The following NT5DC1 variants were observed in gnomAD, a reference collection of about 807,000 sequenced individuals.
The protein encoded by NT5DC1 is 5'-nucleotidase domain-containing protein 1.
Under a neutral mutation model 59.4 loss-of-function variants are expected in NT5DC1, and 42 were observed. The ratio of observed to expected loss-of-function variants is 0.71; its 90% CI spans 0.55 to 0.92. The LOEUF (loss-of-function observed/expected upper bound fraction) is 0.92, where lower values mean the gene tolerates loss of function less well. Among genes scored for constraint, NT5DC1 ranks in the 40% least tolerant of loss-of-function variants. The pLI, the probability that NT5DC1 is intolerant of heterozygous loss-of-function variation, is 0.00. For missense variants in NT5DC1, 501 were observed against 537.1 expected (o/e 0.93, Z 0.66); for synonymous variants, 172 against 188.1 (o/e 0.91, Z 0.70).
At chr6:116,220,036 T>C (rs1024998659) in intron 6 of NT5DC1, among the ~76,000 whole-genome samples, 5 of 151,208 alleles carry the variant, frequency 3.3e-5, no homozygotes, top group Non-Finnish European at 5.9e-5. Context: ...TGCCAAGTAT[T>C]TCAAGTGTTT....
intron 4 of NT5DC1, among the ~76,000 whole-genome samples, chr6:116,114,528 T>G (rs916146071): frequency 3.7e-5 from 2 of 53,730 alleles, no homozygotes; most frequent in Non-Finnish European, 3.4e-5. Flanking sequence ...AGCTTGCAAA[T>G]TGGGGGGAGG....
In NT5DC1 at chr6:116,111,302, C is replaced by T. The variant is rs577372727; in HGVS notation, c.364+346C>T. Among the ~76,000 whole-genome samples, 7 of 152,294 alleles carry T rather than the reference C, an allele frequency of 4.6e-5. No homozygotes were observed. The South Asian group carries it at 1.4e-3, about 32-fold the overall frequency. ...TACTTTTCTTTCTCCATCTCTGATT[C>T]CTCCAGGCATTCACATTACCTACCA... On this transcript the variant is annotated intron_variant, in intron 4 of 11. Coordinates refer to ENST00000319550, the MANE Select transcript of NT5DC1 (RefSeq NM_152729.3).
At chr6:116,147,109 C>A (rs563857079) in intron 6 of NT5DC1, among the ~76,000 whole-genome samples, 236 of 151,194 alleles carry the variant, frequency 1.6e-3, no homozygotes, top group Non-Finnish European at 2.6e-3. Context: ...TAAAAAAAAA[C>A]TGCATATAAA....
intron 11 of NT5DC1, among the ~76,000 whole-genome samples, chr6:116,241,171 T>A (rs1166386498): frequency 6.6e-6 from 1 of 151,794 alleles, no homozygotes; most frequent in Non-Finnish European, 1.5e-5. Context: ...TAAAATATTT[T>A]TAGACAGGGA....
chr6:116,158,681 T>C (rs2114420032), intron 6 of NT5DC1: 1 of 152,362 alleles, frequency 6.6e-6, no homozygotes, highest in African/African-American at 2.4e-5. Context: ...TACTTTGTCA[T>C]CCTGGTGTGT....
chr6:116,135,834 GAT>G (rs199827970), intron 6 of NT5DC1, among the ~76,000 whole-genome samples: 5,315 of 102,068 alleles, frequency 0.052, 116 homozygotes, highest in African/African-American at 0.056. Flanking sequence ...TATATTTTCA[GAT>G]ATATATATAT....
chr6:116,125,157 A>G (rs1205469651), intron 6 of NT5DC1, among the ~76,000 whole-genome samples: 1 of 152,188 alleles, frequency 6.6e-6, no homozygotes, highest in Admixed American at 6.5e-5. Flanking sequence ...TATCCTTTCT[A>G]CTACACTTAT....
chr6:116,206,680 A>C (rs1421741655), intron 6 of NT5DC1, among the ~76,000 whole-genome samples: 1 of 151,912 alleles, frequency 6.6e-6, no homozygotes, highest in African/African-American at 2.4e-5. Context: ...CTGCTCCATA[A>C]TGATTTAATT....
Position 116,115,908 on chromosome 6 carries a change from A to T in NT5DC1, c.444+138A>T, listed in dbSNP as rs973633970. 7.0e-6 allele frequency: 3 copies of T among 431,254 alleles called. No homozygotes were observed. In the South Asian group the frequency reaches 1.4e-4, roughly 21 times the overall value. 26.7% of individuals were successfully genotyped at this position (431,254 alleles called of 1,614,324 possible). ...TCAGAGCTGACTGGGAAAGAAAAAC[A>T]TGGTGAATTTGGTTCAAATATTTTT... On this transcript the variant is annotated intron_variant, in intron 5 of 11. Transcript: ENST00000319550.
At chr6:116,162,676 T>C (rs1013392108) in intron 6 of NT5DC1, among the ~76,000 whole-genome samples, 3 of 152,200 alleles carry the variant, frequency 2.0e-5, no homozygotes, top group African/African-American at 7.2e-5. Flanking sequence ...TTCAGTTTGC[T>C]AGTATTTTGT....
Position 116,221,053 on chromosome 6 carries a change from G to T in NT5DC1, c.530-1G>T. 7.2e-7 allele frequency: 1 copy of T among 1,388,520 alleles called. No individual in the cohort carries two copies. Among genetic ancestry groups the T allele is most frequent in the Non-Finnish European group, 1.0e-6 (1 of 998,806 alleles). The allele number at this position is 1,388,520 out of a possible 1,614,324, so 86.0% of individuals were successfully genotyped here. On this transcript the variant is annotated splice_acceptor_variant, in intron 6 of 11. Transcript: ENST00000319550. LOFTEE classifies it high-confidence loss of function. ...ACCTCATTGATATTTTTATTTTTCA[G>T]AAAACTGTGGAATATATTTTCCAGA...
chr6:116,198,189 T>C (rs1781274747), intron 6 of NT5DC1, among the ~76,000 whole-genome samples: 1 of 152,042 alleles, frequency 6.6e-6, no homozygotes, highest in South Asian at 2.1e-4. Context: ...GGTCACTGAG[T>C]AGTGAACAAC....
intron 8 of NT5DC1, among the ~76,000 whole-genome samples, chr6:116,224,749 G>T (rs73770703): frequency 0.02 from 3,008 of 152,296 alleles, 108 homozygotes; most frequent in African/African-American, 0.069. Context: ...CCGCATAAGC[G>T]GTGGAAAGGG....
intron 11 of NT5DC1, among the ~76,000 whole-genome samples, chr6:116,239,938 G>A (rs764171157): frequency 1.3e-5 from 2 of 152,138 alleles, no homozygotes; most frequent in African/African-American, 2.4e-5. Context: ...ATAAACTGTG[G>A]TATAAAAAGA....
At chr6:116,144,458 G>T (rs889698122) in intron 6 of NT5DC1, among the ~76,000 whole-genome samples, 52 of 150,118 alleles carry the variant, frequency 3.5e-4, no homozygotes, top group Admixed American at 2.9e-3. Context: ...CTGATGTTGT[G>T]CCACTGCACT....
Position 116,237,445 on chromosome 6 carries a change from C to A in NT5DC1, c.921+361C>A, listed in dbSNP as rs528922312. On this transcript the variant is annotated intron_variant, in intron 9 of 11. Coordinates refer to ENST00000319550, the MANE Select transcript of NT5DC1 (RefSeq NM_152729.3). ...CATTGGTGCATTTCTAACAGCAGAACCCTTTCTTCTAAGAAAATATTTACC... is the reference window on the plus strand; with the variant it reads ...CATTGGTGCATTTCTAACAGCAGAAACCTTTCTTCTAAGAAAATATTTACC... 5 of 465,598 alleles carry A rather than the reference C, an allele frequency of 1.1e-5. No individual in the cohort carries two copies. In the East Asian group the frequency reaches 3.4e-4, roughly 31 times the overall value. 28.8% of individuals were successfully genotyped at this position (465,598 alleles called of 1,614,324 possible). A position where few individuals can be genotyped will look rare whatever the true frequency, so the allele number is the denominator to read the frequency against.
chr6:116,179,378 C>T (rs560199964), intron 6 of NT5DC1, among the ~76,000 whole-genome samples: 83 of 152,050 alleles, frequency 5.5e-4, no homozygotes, highest in Non-Finnish European at 1.0e-3. Context: ...AGCATTCATT[C>T]CTTTTCATGC....
intron 11 of NT5DC1, among the ~76,000 whole-genome samples, chr6:116,243,505 G>C (rs1771779486): frequency 6.6e-6 from 1 of 152,130 alleles, no homozygotes; most frequent in South Asian, 2.1e-4. Flanking sequence ...TGTAATATGG[G>C]AGAAAGAATA....
intron 6 of NT5DC1, among the ~76,000 whole-genome samples, chr6:116,167,490 G>A (rs1477712696): frequency 1.3e-5 from 2 of 152,106 alleles, no homozygotes; most frequent in African/African-American, 2.4e-5. Context: ...AGGATTACAG[G>A]TGTGAGCCAC....
Sources: allele counts gnomAD v4.1 joint callset (sites outside exome capture counted in the v4.1 genomes callset), GRCh38; gene constraint gnomAD v4.1.1; transcripts MANE v1.5; gene names NCBI Gene and HGNC (gene_info 2026-07-23, HGNC 2026-07-21).